The following GNB1L variants were observed in gnomAD, a reference collection of about 807,000 sequenced individuals.
GNB1L encodes G protein subunit beta 1 like.
GNB1L carries 20 observed loss-of-function variants against 29.1 expected under a neutral mutation model. The observed-to-expected ratio is 0.69, with a 90% CI of 0.48 to 1.00. The LOEUF is 1.00. GNB1L is among the 50% of genes least tolerant of loss of function. The pLI is 0.00. For missense variants in GNB1L, 421 were observed against 464.9 expected, an observed-to-expected ratio of 0.91 and a Z score of 0.87; for synonymous variants, 193 against 206.5, an observed-to-expected ratio of 0.93 and a Z score of 0.56.
intron 2 of GNB1L, chr22:19,849,250 A>G (rs1200097967): frequency 1.4e-5 from 14 of 985,050 alleles, no homozygotes; most frequent in Non-Finnish European, 1.7e-5. Flanking sequence ...CCTACAAGGT[A>G]TCTGTGCCCT....
chr22:19,822,027 G>A (rs1466450507), intron 2 of GNB1L, among the ~76,000 whole-genome samples: 1 of 152,152 alleles, frequency 6.6e-6, no homozygotes, highest in African/African-American at 2.4e-5. Flanking sequence ...CAGGGATCAG[G>A]GGAAAAGAGG....
At chr22:19,831,632 AGTG>A (rs1258904315) in intron 2 of GNB1L, among the ~76,000 whole-genome samples, 1 of 151,744 alleles carries the variant, frequency 6.6e-6, no homozygotes, top group East Asian at 1.9e-4. Context: ...CGGAGCTTGT[AGTG>A]AGCCAAGATC....
rs1601333218 is a variant in GNB1L at position 19,816,085 on chromosome 22, G to A, written c.255-3638C>T. Among the ~76,000 whole-genome samples, 1 of 152,192 alleles carries A rather than the reference G, an allele frequency of 6.6e-6. No homozygotes were observed. The highest frequency in any genetic ancestry group is 6.5e-5 in the Admixed American group (1 of 15,290). On this transcript the variant is annotated intron_variant, in intron 4 of 7. Coordinates refer to ENST00000329517, the MANE Select transcript of GNB1L (RefSeq NM_053004.3). This position sits in a 1 kb window ranked among gnomAD's most constrained non-coding sequence, Gnocchi z 4.4. ...CAGCCCACAGCCATCCTGGGGCGTC[G>A]TGGCCTGTGTGGGGCCTCGCGGGGC...
chr22:19,842,543 G>C (rs913504700), intron 2 of GNB1L, among the ~76,000 whole-genome samples: 1 of 152,214 alleles, frequency 6.6e-6, no homozygotes, highest in African/African-American at 2.4e-5. Context: ...GCCCCCAAGA[G>C]GTGGTCCTGC....
At chr22:19,789,511 G>T (rs376510348) in intron 7 of GNB1L, among the ~76,000 whole-genome samples, 4 of 152,118 alleles carry the variant, frequency 2.6e-5, no homozygotes, top group East Asian at 1.9e-4. Flanking sequence ...GCAGGATGAG[G>T]GGGGGACAAG....
chr22:19,851,369 G>A (rs1938092706), intron 2 of GNB1L: 3 of 1,614,180 alleles, frequency 1.9e-6, no homozygotes, highest in Non-Finnish European at 2.5e-6. Flanking sequence ...AGGGACAGGT[G>A]TGGGGGCTGC....
intron 2 of GNB1L, among the ~76,000 whole-genome samples, chr22:19,832,437 A>G (rs993607835): frequency 6.6e-6 from 1 of 152,180 alleles, no homozygotes; most frequent in Non-Finnish European, 1.5e-5. Flanking sequence ...ACCTACACAG[A>G]GACATGTTTC....
At chr22:19,815,038 A>T (rs1937519372) in intron 4 of GNB1L, among the ~76,000 whole-genome samples, 1 of 151,080 alleles carries the variant, frequency 6.6e-6, no homozygotes, top group African/African-American at 2.4e-5. Context: ...CCTGCCTCAA[A>T]AAAAAAAAAA....
chr22:19,800,754 G>A (rs1177619266), intron 7 of GNB1L, among the ~76,000 whole-genome samples: 1 of 152,244 alleles, frequency 6.6e-6, no homozygotes, highest in Non-Finnish European at 1.5e-5. Flanking sequence ...TCTACCATGT[G>A]CCTGCACAGG....
intron 2 of GNB1L, among the ~76,000 whole-genome samples, chr22:19,831,596 T>A (rs1937681268): frequency 1.3e-5 from 2 of 149,696 alleles, no homozygotes; most frequent in African/African-American, 4.9e-5. Context: ...GAGGCTGAGG[T>A]AGGAGAATGG....
At chr22:19,811,483 TCCC>T (rs1341909827) in intron 5 of GNB1L, among the ~76,000 whole-genome samples, 17 of 151,746 alleles carry the variant, frequency 1.1e-4, no homozygotes, top group Non-Finnish European at 2.2e-4. Flanking sequence ...TCCCTTCAGC[TCCC>T]CCAAGAGCTG....
chr22:19,788,966 A>C lies in GNB1L; in HGVS notation c.733-6T>G, dbSNP rs1163092336. 5.0e-6 allele frequency: 8 copies of C among 1,593,104 alleles called. No individual in the cohort carries two copies. The highest frequency in any genetic ancestry group is 6.0e-6 in the Non-Finnish European group (7 of 1,166,514). ...AGTTCATGAGTCCCACGCACCTGTG[A>C]GAGTTGGGAGAGGTGTTAGGCCACT... On this transcript the variant is annotated splice_region_variant and splice_polypyrimidine_tract_variant and intron_variant, in intron 7 of 7. Coordinates refer to ENST00000329517, the MANE Select transcript of GNB1L (RefSeq NM_053004.3).
At chr22:19,792,357 C>G in intron 7 of GNB1L, 1 of 1,317,680 alleles carries the variant, frequency 7.6e-7, no homozygotes, top group Non-Finnish European at 1.1e-6. Flanking sequence ...CATGAAGAAG[C>G]AGGAGGCTAA....
intron 2 of GNB1L, among the ~76,000 whole-genome samples, chr22:19,836,618 A>AG (rs1387559501): frequency 1.3e-5 from 2 of 152,250 alleles, no homozygotes; most frequent in African/African-American, 2.4e-5. Flanking sequence ...TCATGAATAT[A>AG]GACATACAAA....
At chr22:19,828,538 T>G (rs916495250) in intron 2 of GNB1L, among the ~76,000 whole-genome samples, 1 of 151,920 alleles carries the variant, frequency 6.6e-6, no homozygotes, top group Non-Finnish European at 1.5e-5. Context: ...CCCAGCTATT[T>G]GGGATGCTGA....
At chr22:19,830,983 T>A (rs1420106405) in intron 2 of GNB1L, among the ~76,000 whole-genome samples, 1 of 152,170 alleles carries the variant, frequency 6.6e-6, no homozygotes, top group Non-Finnish European at 1.5e-5. Context: ...TACACGAGCA[T>A]AAACTCCAAG....
At chr22:19,821,507 G>A (rs1937579122) in intron 2 of GNB1L, 132 bp from the exon 3 acceptor site, 2 of 866,068 alleles carry the variant, frequency 2.3e-6, no homozygotes, top group Non-Finnish European at 3.5e-6. Context: ...TCCTGGGAGA[G>A]AGGTGCCACT....
chr22:19,810,179 G>A (rs1169155781), intron 5 of GNB1L, among the ~76,000 whole-genome samples: 3 of 152,254 alleles, frequency 2.0e-5, no homozygotes, highest in East Asian at 1.9e-4. Flanking sequence ...AGGAGGAGCC[G>A]CCCTGAGCAC....
chr22:19,803,612 C>CA (rs1245666582), intron 6 of GNB1L, among the ~76,000 whole-genome samples: 1 of 152,240 alleles, frequency 6.6e-6, no homozygotes. Context: ...CTTTCCTTCC[C>CA]AACATGGGCA....
Sources: gnomAD v4.1 joint callset for allele counts (sites outside exome capture counted in the v4.1 genomes callset) on GRCh38, gnomAD v4.1.1 for gene constraint, Gnocchi (gnomAD v3.1) non-coding constraint, MANE v1.5 for transcripts, NCBI Gene and HGNC (gene_info 2026-07-23, HGNC 2026-07-21) for gene names.